Variants in ZEB1 observed in about 807,000 individuals in gnomAD.
ZEB1 encodes the protein zinc finger E-box-binding homeobox 1.
A neutral mutation model predicts 84.9 loss-of-function variants in ZEB1; 21 were observed. The ratio of observed to expected loss-of-function variants is 0.25; its 90% CI spans 0.18 to 0.36. The LOEUF (loss-of-function observed/expected upper bound fraction) is 0.36, where lower values mean the gene tolerates loss of function less well. ZEB1 is among the 10% of genes least tolerant of loss of function. The pLI, the probability that ZEB1 is intolerant of heterozygous loss-of-function variation, is 1.00. For synonymous variants in ZEB1, 420 were observed against 471.1 expected (o/e 0.89, Z 1.41); for missense variants, 1,104 against 1,330.2 (o/e 0.83, Z 2.65).
Position 31,529,229 on chromosome 10 carries a change from A to G in ZEB1, c.*1965A>G, listed in dbSNP as rs962666740. The stretch of plus-strand genomic sequence containing the variant: ...TGCTGTCATTCTTTTCATCATTATC[A>G]GTATTTTCTTTGGAAAACTGTGAAA... On this transcript the variant is annotated 3_prime_UTR_variant, in exon 9 of 9. Coordinates refer to ENST00000424869, the MANE Select transcript of ZEB1 (RefSeq NM_001174096.2). 1 of 152,212 alleles carries G rather than the reference A, an allele frequency of 6.6e-6. No individual in the cohort carries two copies. The highest frequency in any genetic ancestry group is 1.5e-5 in the Non-Finnish European group (1 of 68,034). The allele number at this position is 152,212 out of a possible 1,614,324, so 9.4% of individuals were successfully genotyped here.
chr10:31,481,927 A>G (rs2065092630), intron 2 of ZEB1, among the ~76,000 whole-genome samples: 1 of 152,108 alleles, frequency 6.6e-6, no homozygotes, highest in Admixed American at 6.6e-5. Flanking sequence ...GAGACTCACC[A>G]TTAGGCAAAT....
chr10:31,504,197 C>T (rs1441750002), intron 4 of ZEB1, among the ~76,000 whole-genome samples: 3 of 152,032 alleles, frequency 2.0e-5, no homozygotes, highest in African/African-American at 4.8e-5. Flanking sequence ...TTTCCCAGCA[C>T]CATTTATTGG....
intron 1 of ZEB1, among the ~76,000 whole-genome samples, chr10:31,324,958 A>C (rs2035135475): frequency 6.6e-6 from 1 of 152,040 alleles, no homozygotes; most frequent in Admixed American, 6.5e-5. Context: ...ATATAAACTA[A>C]TCATTCTTTT....
intron 1 of ZEB1, chr10:31,321,250 CAA>C: frequency 8.0e-7 from 1 of 1,255,426 alleles, no homozygotes; most frequent in Non-Finnish European, 1.0e-6. Context: ...TAAGCTGTTT[CAA>C]GATGTTTCCT....
chr10:31,463,537 T>C (rs1417101615), intron 2 of ZEB1, among the ~76,000 whole-genome samples: 4 of 152,134 alleles, frequency 2.6e-5, no homozygotes, highest in African/African-American at 9.7e-5. Flanking sequence ...CCAAAGATAG[T>C]TTAATAGCAG....
intron 1 of ZEB1, among the ~76,000 whole-genome samples, chr10:31,382,950 A>G (rs983211759): frequency 1.1e-4 from 16 of 152,124 alleles, no homozygotes; most frequent in Non-Finnish European, 5.9e-5. Flanking sequence ...ATAAATTTTT[A>G]AAAAGAGAAA....
intron 1 of ZEB1, among the ~76,000 whole-genome samples, chr10:31,345,823 G>A (rs994993436): frequency 6.6e-6 from 1 of 152,088 alleles, no homozygotes; most frequent in Non-Finnish European, 1.5e-5. Flanking sequence ...TCAGAAAAAG[G>A]TGAAAATATT....
At chr10:31,330,309 A>G (rs991353655) in intron 1 of ZEB1, among the ~76,000 whole-genome samples, 4 of 152,316 alleles carry the variant, frequency 2.6e-5, no homozygotes, top group African/African-American at 7.2e-5. Context: ...CACAAGTCCT[A>G]CTTCCCTGGT....
chr10:31,393,325 C>T (rs1485964591), intron 1 of ZEB1, among the ~76,000 whole-genome samples: 1 of 152,052 alleles, frequency 6.6e-6, no homozygotes, highest in Non-Finnish European at 1.5e-5. Context: ...TAAAAAGTGA[C>T]CAGATTTTGC....
chr10:31,524,355 A>G (rs1454666476), intron 8 of ZEB1, among the ~76,000 whole-genome samples: 5 of 151,966 alleles, frequency 3.3e-5, no homozygotes, highest in Non-Finnish European at 5.9e-5. Context: ...AGTAGCTGGG[A>G]CTATAGGCAC....
At chr10:31,447,490 A>G (rs2059937681) in intron 1 of ZEB1, among the ~76,000 whole-genome samples, 1 of 128,006 alleles carries the variant, frequency 7.8e-6, no homozygotes, top group African/African-American at 3.0e-5. Context: ...TCGTTAGTTC[A>G]TGCAGTTTCT....
At chr10:31,387,148 GA>G (rs2048776971) in intron 1 of ZEB1, 1 of 985,656 alleles carries the variant, frequency 1.0e-6, no homozygotes, top group African/African-American at 1.7e-5. Context: ...TCCACCACAA[GA>G]GGAATATAAA....
intron 1 of ZEB1, among the ~76,000 whole-genome samples, chr10:31,420,542 C>T (rs2055983411): frequency 6.6e-6 from 1 of 152,200 alleles, no homozygotes; most frequent in South Asian, 2.1e-4. Context: ...CCTAACTCCT[C>T]TTTTAAGGGT....
At chr10:31,348,395 C>T (rs1036572874) in intron 1 of ZEB1, among the ~76,000 whole-genome samples, 11 of 152,038 alleles carry the variant, frequency 7.2e-5, no homozygotes, top group South Asian at 4.2e-4. Context: ...GAAACCCCAT[C>T]TCTACTAAAA....
At chr10:31,382,607 T>C (rs1304839881) in intron 1 of ZEB1, among the ~76,000 whole-genome samples, 2 of 152,092 alleles carry the variant, frequency 1.3e-5, no homozygotes, top group African/African-American at 4.8e-5. Flanking sequence ...TACACAACCA[T>C]AGGAATAAAA....
At chr10:31,462,894 G>A (rs2061974955) in intron 2 of ZEB1, among the ~76,000 whole-genome samples, 2 of 152,052 alleles carry the variant, frequency 1.3e-5, no homozygotes, top group Admixed American at 1.3e-4. Flanking sequence ...CCATGGGATG[G>A]GAATAGAAGG....
intron 1 of ZEB1, chr10:31,387,749 G>T: frequency 1.0e-6 from 1 of 985,102 alleles, no homozygotes; most frequent in Non-Finnish European, 1.2e-6. Context: ...TTTGTATTCT[G>T]TATTACACTT....
intron 1 of ZEB1, among the ~76,000 whole-genome samples, chr10:31,415,175 G>C (rs2054993652): frequency 1.3e-5 from 2 of 152,114 alleles, no homozygotes; most frequent in Non-Finnish European, 2.9e-5. Context: ...GGAATATAAA[G>C]TCTATGTTTT....
Position 31,517,460 on chromosome 10 carries a change from AT to A in ZEB1, c.794-2661del, listed in dbSNP as rs1437934869. Among the ~76,000 whole-genome samples the A allele has an allele frequency of 7.9e-5, 12 of 151,740 alleles. 1 individual carries two copies. The highest frequency in any genetic ancestry group is 3.3e-4 in the Admixed American group (5 of 15,234). ...GGTCTTAGTAATTTTTGCCTGGAAA[AT>A]TTTTGTATCAGATGCAGCCAAACAC... On this transcript the variant is annotated intron_variant, in intron 6 of 8. Coordinates refer to ENST00000424869, the MANE Select transcript of ZEB1 (RefSeq NM_001174096.2).
Sources: gnomAD v4.1 joint callset for allele counts (sites outside exome capture counted in the v4.1 genomes callset) on GRCh38, gnomAD v4.1.1 for gene constraint, MANE v1.5 for transcripts, NCBI Gene and HGNC (gene_info 2026-07-23, HGNC 2026-07-21) for gene names.